The following SHANK2 variants were observed in gnomAD, a reference collection of about 807,000 sequenced individuals.
SHANK2 encodes SH3 and multiple ankyrin repeat domains 2, also known as SH3 and multiple ankyrin repeat domains protein 2.
SHANK2 carries 43 observed loss-of-function variants against 133.7 expected under a neutral mutation model. That is an observed-to-expected ratio of 0.32 (90% CI 0.25 to 0.41). SHANK2 has a LOEUF of 0.41. SHANK2 is among the 10% of genes least tolerant of loss of function. The pLI, the probability that SHANK2 is intolerant of heterozygous loss-of-function variation, is 1.00. For synonymous variants in SHANK2, 1,017 were observed against 952.8 expected, an observed-to-expected ratio of 1.07 and a Z score of -1.24; for missense variants, 1,994 against 2,235.8, an observed-to-expected ratio of 0.89 and a Z score of 2.18.
chr11:70,640,711 C>T (rs547911090), intron 17 of SHANK2, among the ~76,000 whole-genome samples: 53 of 152,354 alleles, frequency 3.5e-4, no homozygotes. Context: ...CCCTCCCTGT[C>T]TCCCATTCTC....
intron 8 of SHANK2, among the ~76,000 whole-genome samples, chr11:71,078,738 G>A (rs925211463): frequency 2.0e-5 from 3 of 152,184 alleles, no homozygotes; most frequent in Non-Finnish European, 2.9e-5. Flanking sequence ...ATGGCCTGAC[G>A]ACTCAGAAGT....
rs1409463201 is a variant in SHANK2 at position 70,739,956 on chromosome 11, C to T, written c.1778-41193G>A. Among the ~76,000 whole-genome samples, 1 of 152,244 alleles carries T rather than the reference C, an allele frequency of 6.6e-6. No homozygotes were observed. The highest frequency in any genetic ancestry group is 2.4e-5 in the African/African-American group (1 of 41,464). On this transcript the variant is annotated intron_variant, in intron 14 of 25. Transcript: ENST00000601538. This position sits in a 1 kb window ranked among gnomAD's most constrained non-coding sequence, Gnocchi z 4.3. The stretch of plus-strand genomic sequence containing the variant: ...ACGCAGGTAGGGCACAGAAGTCCAG[C>T]TTGGCTCCTTCGCCATCAGGAGACC...
intron 17 of SHANK2, among the ~76,000 whole-genome samples, chr11:70,606,478 C>T (rs1024062524): frequency 8.9e-5 from 12 of 134,262 alleles, no homozygotes; most frequent in Middle Eastern, 8.8e-3. Flanking sequence ...CACTGAACTC[C>T]AGCATGAACC....
At chr11:70,543,759 C>T (rs540861832) in intron 17 of SHANK2, among the ~76,000 whole-genome samples, 1 of 152,360 alleles carries the variant, frequency 6.6e-6, no homozygotes, top group South Asian at 2.1e-4. Context: ...GTCAGAGGCA[C>T]AGGTCACAAC....
intron 17 of SHANK2, among the ~76,000 whole-genome samples, chr11:70,558,358 G>A (rs1485846865): frequency 3.9e-5 from 6 of 152,234 alleles, no homozygotes; most frequent in East Asian, 1.9e-4. Flanking sequence ...TTCCCCCTGC[G>A]TCAGCATCGG....
intron 2 of SHANK2, among the ~76,000 whole-genome samples, chr11:71,177,073 G>A (rs567025448): frequency 1.3e-4 from 20 of 152,202 alleles, no homozygotes; most frequent in Admixed American, 2.0e-4. Context: ...ATCTTTAAAC[G>A]AAAAAAGTCA....
intron 11 of SHANK2, among the ~76,000 whole-genome samples, chr11:70,853,385 C>T (rs1469786301): frequency 6.6e-6 from 1 of 152,160 alleles, no homozygotes. Context: ...CAGACAAGAC[C>T]CTGAGGCTGC....
At chr11:70,886,931 C>T (rs1238755377) in intron 11 of SHANK2, among the ~76,000 whole-genome samples, 1 of 152,170 alleles carries the variant, frequency 6.6e-6, no homozygotes, top group African/African-American at 2.4e-5. Context: ...GCTTCTCTCT[C>T]CATAGCTGCG....
chr11:70,601,646 C>T (rs1554991106), intron 17 of SHANK2, among the ~76,000 whole-genome samples: 2 of 152,118 alleles, frequency 1.3e-5, no homozygotes, highest in African/African-American at 4.8e-5. Flanking sequence ...GCCACCGCGC[C>T]CGGCCAGTAA....
intron 11 of SHANK2, chr11:70,872,206 T>C (rs138661589): frequency 1.3e-5 from 2 of 154,820 alleles, no homozygotes; most frequent in East Asian, 3.9e-4. Flanking sequence ...TCAAATCAGT[T>C]CAGGTCAAGT....
intron 15 of SHANK2, among the ~76,000 whole-genome samples, chr11:70,681,695 C>T (rs538633383): frequency 3.3e-5 from 5 of 152,158 alleles, no homozygotes; most frequent in Non-Finnish European, 7.3e-5. Context: ...CAGCAACCCT[C>T]CTGCCCATGC....
At chr11:70,799,125 C>T (rs563160818) in intron 13 of SHANK2, among the ~76,000 whole-genome samples, 15 of 151,832 alleles carry the variant, frequency 9.9e-5, no homozygotes, top group African/African-American at 3.1e-4. Flanking sequence ...GGTCTGGGCG[C>T]GGTGGCTCAT....
At chr11:70,698,363 C>A (rs564743663) in intron 15 of SHANK2, 20 of 413,630 alleles carry the variant, frequency 4.8e-5, no homozygotes, top group African/African-American at 4.0e-4. Context: ...ATGCTGCTGC[C>A]CCAATACTGC....
chr11:70,816,560 T>C (rs1948402265), intron 12 of SHANK2, among the ~76,000 whole-genome samples: 1 of 152,194 alleles, frequency 6.6e-6, no homozygotes. Context: ...TAGTGCCACA[T>C]GGCCAGGGCC....
rs114785128 is a variant in SHANK2 at position 70,921,140 on chromosome 11, C to G, written c.1108-24573G>C. Among the ~76,000 whole-genome samples the G allele has an allele frequency of 2.9e-3, 442 of 152,222 alleles. 3 individuals carry two copies. The highest frequency in any genetic ancestry group is 0.01 in the African/African-American group (423 of 41,542). ...GGAATCAGCCTCCACTGGGCACAGA[C>G]AGATATGATGAAGTAGCTAGAGGCA... On this transcript the variant is annotated intron_variant, in intron 10 of 25. Transcript: ENST00000601538.
intron 17 of SHANK2, among the ~76,000 whole-genome samples, chr11:70,614,045 A>T (rs1177704158): frequency 2.6e-5 from 4 of 152,132 alleles, no homozygotes; most frequent in Non-Finnish European, 5.9e-5. Context: ...GATCACAGGC[A>T]TGAGCCATTG....
chr11:70,717,744 C>G (rs1945972884), intron 14 of SHANK2, among the ~76,000 whole-genome samples: 2 of 152,052 alleles, frequency 1.3e-5, no homozygotes, highest in African/African-American at 2.4e-5. Context: ...CGGACCACTG[C>G]TCCTCGGGGT....
At chr11:71,073,147 C>CTTTCTTTTT (rs1951166746) in intron 9 of SHANK2, among the ~76,000 whole-genome samples, 22 of 62,758 alleles carry the variant, frequency 3.5e-4, no homozygotes, top group African/African-American at 8.4e-4. Flanking sequence ...TTTTTCTTTT[C>CTTTCTTTTT]TTTTTTTTCT....
At chr11:71,159,395 GC>G (rs1348771282) in intron 2 of SHANK2, among the ~76,000 whole-genome samples, 2 of 151,978 alleles carry the variant, frequency 1.3e-5, no homozygotes, top group African/African-American at 4.8e-5. Flanking sequence ...GACATTCAGG[GC>G]CCACCTGGAT....
Sources: gnomAD v4.1 joint callset for allele counts (sites outside exome capture counted in the v4.1 genomes callset) on GRCh38, gnomAD v4.1.1 for gene constraint, Gnocchi (gnomAD v3.1) non-coding constraint, MANE v1.5 for transcripts, NCBI Gene and HGNC (gene_info 2026-07-23, HGNC 2026-07-21) for gene names.